The following STYK1 variants were observed in gnomAD, a reference collection of about 807,000 sequenced individuals.
STYK1 encodes the protein tyrosine-protein kinase STYK1.
STYK1 carries 46 observed loss-of-function variants against 48.1 expected under a neutral mutation model. The ratio of observed to expected loss-of-function variants is 0.96; its 90% confidence interval spans 0.75 to 1.22. The LOEUF (loss-of-function observed/expected upper bound fraction) is 1.22. Ranked by LOEUF, STYK1 falls within the 50% of genes most tolerant of loss-of-function variation. The probability of loss-of-function intolerance (pLI) is 0.00; values close to 1 mark genes in which losing one functional copy is unlikely to be tolerated. For missense variants in STYK1, 527 were observed against 521.1 expected (o/e 1.01, Z -0.11); for synonymous variants, 188 against 189.0 (o/e 0.99, Z 0.04).
intron 10 of STYK1, 102 bp downstream of exon 10, chr12:10,621,774 A>G: frequency 9.8e-7 from 1 of 1,016,838 alleles, no homozygotes; most frequent in Admixed American, 1.9e-5. Flanking sequence ...GGGTACATAT[A>G]CACAGGTGAG....
chr12:10,643,312 C>T (rs572661703), intron 1 of STYK1, among the ~76,000 whole-genome samples: 2 of 152,174 alleles, frequency 1.3e-5, no homozygotes, highest in Non-Finnish European at 2.9e-5. Context: ...TGGTTGAATG[C>T]CTCTTTACTG....
chr12:10,648,754 T>C (rs1212882159), intron 1 of STYK1, among the ~76,000 whole-genome samples: 4 of 152,106 alleles, frequency 2.6e-5, no homozygotes, highest in Non-Finnish European at 5.9e-5. Flanking sequence ...TTTGTAAAGA[T>C]GGGGCCTTGC....
intron 2 of STYK1, among the ~76,000 whole-genome samples, chr12:10,635,379 G>C (rs533516609): frequency 6.6e-6 from 1 of 152,260 alleles, no homozygotes; most frequent in African/African-American, 2.4e-5. Context: ...TTACACATTT[G>C]CTTTGTTTCT....
At position 10,672,820 on chromosome 12, in the gene STYK1, G is replaced by T. The variant is rs902033160; in HGVS notation, c.-195+1146C>A. On this transcript the variant is annotated intron_variant, in intron 1 of 10. Transcript: ENST00000075503. This position sits in a 1 kb window ranked among gnomAD's most constrained non-coding sequence, Gnocchi z 4.0. Reference sequence around the variant, plus strand: ...GGAGGCACTGAACGAAAAAGTATATGATTTTCATTGAAGCAAATACTTCAT... The same window carrying T: ...GGAGGCACTGAACGAAAAAGTATATTATTTTCATTGAAGCAAATACTTCAT... Among the ~76,000 whole-genome samples, 2 of 152,148 alleles carry T rather than the reference G, an allele frequency of 1.3e-5. No individual in the cohort carries two copies. The highest frequency in any genetic ancestry group is 2.9e-5 in the Non-Finnish European group (2 of 68,034).
chr12:10,624,267 A>G (rs1947330987), intron 8 of STYK1, among the ~76,000 whole-genome samples: 1 of 150,114 alleles, frequency 6.7e-6, no homozygotes, highest in Non-Finnish European at 1.5e-5. Context: ...AAAAAAAAGA[A>G]AAAAAAAATA....
chr12:10,649,500 C>T (rs944666816), intron 1 of STYK1, among the ~76,000 whole-genome samples: 1 of 151,962 alleles, frequency 6.6e-6, no homozygotes, highest in Non-Finnish European at 1.5e-5. Context: ...GGCAAGAGTA[C>T]AATGAAATTG....
At chr12:10,638,732 A>G (rs552411650) in intron 1 of STYK1, among the ~76,000 whole-genome samples, 44 of 152,290 alleles carry the variant, frequency 2.9e-4, no homozygotes, top group Non-Finnish European at 5.3e-4. Context: ...TTCTTACCAA[A>G]ATATACCTAG....
At chr12:10,637,524 G>A (rs1037104864) in intron 1 of STYK1, among the ~76,000 whole-genome samples, 1 of 152,034 alleles carries the variant, frequency 6.6e-6, no homozygotes, top group Non-Finnish European at 1.5e-5. Context: ...TGTATTTTTA[G>A]TAGAGAGGGG....
chr12:10,627,521 T>G, intron 7 of STYK1, 120 bp downstream of exon 7: 1 of 846,092 alleles, frequency 1.2e-6, no homozygotes, highest in Non-Finnish European at 1.8e-6. Context: ...CCCTAACTTC[T>G]ATCTAATTTT....
intron 1 of STYK1, among the ~76,000 whole-genome samples, chr12:10,660,469 G>GTGGCAAAGAAGCAACCC (rs1565573478): frequency 5.2e-5 from 2 of 38,336 alleles, no homozygotes; most frequent in South Asian, 1.2e-3. Context: ...GGGGAGGAGG[G>GTGGCAAAGAAGCAACCC]AAATATGTTA....
rs546671335 is a variant in STYK1 at position 10,656,556 on chromosome 12, C to T, written c.-195+17410G>A. On this transcript the variant is annotated intron_variant, in intron 1 of 10. Coordinates refer to ENST00000075503, the MANE Select transcript of STYK1 (RefSeq NM_018423.3). The stretch of plus-strand genomic sequence containing the variant: ...AGGAGAATGGCATGAACCTGGGAGG[C>T]GGAGCTTGCAGTGAGCCGAGATCAC... 2.8e-3 allele frequency among the ~76,000 whole-genome samples: 427 copies of T among 152,028 alleles called. 1 individual carries two copies. Among genetic ancestry groups the T allele is most frequent in the Non-Finnish European group, 4.6e-3 (310 of 67,980 alleles).
At position 10,628,053 on chromosome 12, in the gene STYK1, A is replaced by T. The variant is rs77491792; in HGVS notation, c.634-329T>A. On this transcript the variant is annotated intron_variant, in intron 6 of 10. Transcript: ENST00000075503. ...ACATGTGAGCACACATGTGTTCATG[A>T]TTAATTTAGCACATAAACTGAATGC... Among the ~76,000 whole-genome samples, 50 of 152,338 alleles carry T rather than the reference A, an allele frequency of 3.3e-4. 1 individual carries two copies. Among genetic ancestry groups the T allele is most frequent in the Admixed American group, 5.9e-4 (9 of 15,308 alleles).
chr12:10,651,719 T>A (rs979122220), intron 1 of STYK1, among the ~76,000 whole-genome samples: 2 of 152,212 alleles, frequency 1.3e-5, no homozygotes, highest in Non-Finnish European at 2.9e-5. Flanking sequence ...ATAATACCAC[T>A]CGCATTTCTG....
chr12:10,627,568 G>T, intron 7 of STYK1, 73 bp downstream of exon 7: 2 of 1,349,066 alleles, frequency 1.5e-6, no homozygotes, highest in Non-Finnish European at 2.1e-6. Flanking sequence ...ATATTAATAT[G>T]AGAAATATGG....
intron 1 of STYK1, among the ~76,000 whole-genome samples, chr12:10,643,039 T>C (rs1033428780): frequency 6.6e-6 from 1 of 152,146 alleles, no homozygotes; most frequent in African/African-American, 2.4e-5. Context: ...TCAGTCCTCT[T>C]CATCCTATTT....
chr12:10,623,122 T>C (rs1478369996), intron 8 of STYK1, among the ~76,000 whole-genome samples: 3 of 152,240 alleles, frequency 2.0e-5, no homozygotes, highest in Non-Finnish European at 4.4e-5. Flanking sequence ...TCTCAGTAGA[T>C]TTAATTGCCC....
At chr12:10,654,590 A>G (rs1189245751) in intron 1 of STYK1, among the ~76,000 whole-genome samples, 1 of 152,188 alleles carries the variant, frequency 6.6e-6, no homozygotes, top group Non-Finnish European at 1.5e-5. Flanking sequence ...AAAGGATCAG[A>G]TTGGGTTAGA....
chr12:10,670,661 TG>T (rs1947881609), intron 1 of STYK1, among the ~76,000 whole-genome samples: 1 of 151,532 alleles, frequency 6.6e-6, no homozygotes, highest in South Asian at 2.1e-4. Context: ...AGAGATCTAT[TG>T]TACAACATGG....
At chr12:10,652,670 C>T (rs567423078) in intron 1 of STYK1, among the ~76,000 whole-genome samples, 26 of 152,226 alleles carry the variant, frequency 1.7e-4, no homozygotes, top group African/African-American at 4.3e-4. Flanking sequence ...TACTCAAGGC[C>T]GTATCATTTG....
Sources: allele counts gnomAD v4.1 joint callset (sites outside exome capture counted in the v4.1 genomes callset), GRCh38; gene constraint gnomAD v4.1.1; non-coding constraint Gnocchi (gnomAD v3.1); transcripts MANE v1.5; gene names NCBI Gene and HGNC (gene_info 2026-07-23, HGNC 2026-07-21).